Variants in PTN observed in about 807,000 individuals in gnomAD.
The protein encoded by PTN is heparin affin regulatory protein.
In PTN, 18 loss-of-function variants were observed where a neutral mutation model predicts 24.1. The ratio of observed to expected loss-of-function variants is 0.75; its 90% confidence interval spans 0.52 to 1.11. The LOEUF is 1.11. Among genes scored for constraint, PTN ranks in the 50% least tolerant of loss-of-function variants. The pLI is 0.00. For missense variants in PTN, 163 were observed against 198.8 expected, an observed-to-expected ratio of 0.82 and a Z score of 1.08; for synonymous variants, 78 against 68.6, an observed-to-expected ratio of 1.14 and a Z score of -0.67.
At chr7:137,307,392 G>A (rs1158163288) in intron 1 of PTN, among the ~76,000 whole-genome samples, 1 of 152,042 alleles carries the variant, frequency 6.6e-6, no homozygotes, top group African/African-American at 2.4e-5. Context: ...ATATATGTTT[G>A]CTATAATAGA....
At chr7:137,331,828 CT>C (rs1274531837) in intron 1 of PTN, among the ~76,000 whole-genome samples, 1 of 152,134 alleles carries the variant, frequency 6.6e-6, no homozygotes, top group Non-Finnish European at 1.5e-5. Context: ...AAAGAAAGAC[CT>C]TGTGTACTCA....
intron 1 of PTN, among the ~76,000 whole-genome samples, chr7:137,315,006 T>C (rs1395040830): frequency 6.6e-6 from 1 of 152,196 alleles, no homozygotes; most frequent in Non-Finnish European, 1.5e-5. Flanking sequence ...AAGTAATTGA[T>C]GTGGTGTATT....
Position 137,241,719 on chromosome 7 carries a change from A to G in PTN, c.451+9511T>C, listed in dbSNP as rs536798401. 2.6e-5 allele frequency among the ~76,000 whole-genome samples: 4 copies of G among 152,280 alleles called. 1 individual carries two copies. Among genetic ancestry groups the G allele is most frequent in the African/African-American group, 9.6e-5 (4 of 41,560 alleles). On this transcript the variant is annotated intron_variant, in intron 4 of 4. Transcript: ENST00000348225. ...GTATCATGGATGGAAAATAAAACAT[A>G]GGTGTTGAAAGATGTTTTCACAAGC...
At chr7:137,230,267 G>T (rs545125836) in intron 4 of PTN, among the ~76,000 whole-genome samples, 5 of 151,922 alleles carry the variant, frequency 3.3e-5, no homozygotes, top group Non-Finnish European at 7.4e-5. Context: ...AATTCTTCTT[G>T]GTAAAGGCAA....
Position 137,330,933 on chromosome 7 carries a change from C to T in PTN, c.-2+12506G>A, listed in dbSNP as rs536571254. ...TGGGCCATAAGGACCCTATGGCATGCTCAATACTTCCTTTTTAGTGGCAGA... is the reference window on the plus strand; with the variant it reads ...TGGGCCATAAGGACCCTATGGCATGTTCAATACTTCCTTTTTAGTGGCAGA... On this transcript the variant is annotated intron_variant, in intron 1 of 4. Coordinates refer to ENST00000348225, the MANE Select transcript of PTN (RefSeq NM_002825.7). 3.3e-5 allele frequency among the ~76,000 whole-genome samples: 5 copies of T among 152,250 alleles called. No homozygotes were observed. In the South Asian group the frequency reaches 1.0e-3, roughly 32 times the overall value.
At chr7:137,282,586 T>C (rs1445223780) in intron 1 of PTN, among the ~76,000 whole-genome samples, 1 of 151,546 alleles carries the variant, frequency 6.6e-6, no homozygotes, top group Non-Finnish European at 1.5e-5. Flanking sequence ...ATATTTGAGA[T>C]ATAAAGAAAA....
At chr7:137,257,758 T>C (rs1808960003) in intron 1 of PTN, among the ~76,000 whole-genome samples, 1 of 152,214 alleles carries the variant, frequency 6.6e-6, no homozygotes, top group Non-Finnish European at 1.5e-5. Flanking sequence ...CAGAAGTATT[T>C]AGGTTGTTGA....
At position 137,275,392 on chromosome 7, in the gene PTN, G is replaced by A. The variant is rs573630626; in HGVS notation, c.-1-20418C>T. ...TATCATTAGTATCAGCAACTATTTC[G>A]TAGACCACCTACTATATGAAAGATA... On this transcript the variant is annotated intron_variant, in intron 1 of 4. Coordinates refer to ENST00000348225, the MANE Select transcript of PTN (RefSeq NM_002825.7). 1.8e-4 allele frequency among the ~76,000 whole-genome samples: 27 copies of A among 152,188 alleles called. No individual in the cohort carries two copies. In the South Asian group the frequency reaches 2.7e-3, roughly 15 times the overall value.
intron 1 of PTN, among the ~76,000 whole-genome samples, chr7:137,260,021 A>T (rs779212365): frequency 7.2e-5 from 11 of 152,112 alleles, no homozygotes; most frequent in Non-Finnish European, 1.3e-4. Context: ...ACTACTCATT[A>T]CACTTTTTGC....
intron 1 of PTN, among the ~76,000 whole-genome samples, chr7:137,270,830 T>C (rs1247416032): frequency 6.6e-6 from 1 of 152,046 alleles, no homozygotes; most frequent in Non-Finnish European, 1.5e-5. Flanking sequence ...TCATAAAGAG[T>C]GACCCAAGGA....
At chr7:137,256,333 C>G (rs1321433577) in intron 1 of PTN, among the ~76,000 whole-genome samples, 2 of 152,152 alleles carry the variant, frequency 1.3e-5, no homozygotes, top group African/African-American at 4.8e-5. Flanking sequence ...CACCCCTCAA[C>G]AGGTCCTGGT....
chr7:137,260,131 T>C (rs144047971), intron 1 of PTN, among the ~76,000 whole-genome samples: 1,647 of 152,238 alleles, frequency 0.011, 14 homozygotes, highest in Non-Finnish European at 0.017. Context: ...GATGTGTAAT[T>C]TACCAAAGAA....
intron 1 of PTN, among the ~76,000 whole-genome samples, chr7:137,323,907 G>C (rs1810206595): frequency 6.6e-6 from 1 of 152,106 alleles, no homozygotes; most frequent in Admixed American, 6.6e-5. Context: ...TGGGGAGAGA[G>C]AAGAGAATCC....
At chr7:137,244,905 CTGGTG>C (rs1808697203) in intron 4 of PTN, among the ~76,000 whole-genome samples, 1 of 152,072 alleles carries the variant, frequency 6.6e-6, no homozygotes, top group African/African-American at 2.4e-5. Context: ...TAGTAATTCC[CTGGTG>C]TTTGGATAGC....
At chr7:137,287,404 T>C (rs1809574145) in intron 1 of PTN, among the ~76,000 whole-genome samples, 1 of 152,176 alleles carries the variant, frequency 6.6e-6, no homozygotes, top group South Asian at 2.1e-4. Flanking sequence ...TGGAGTTCCT[T>C]TCTGCTTAGG....
chr7:137,337,076 G>A (rs754115352), intron 1 of PTN, among the ~76,000 whole-genome samples: 16 of 152,252 alleles, frequency 1.1e-4, no homozygotes, highest in Middle Eastern at 3.4e-3. Context: ...ATGCCCTGTC[G>A]TATGTCCAGG....
intron 1 of PTN, among the ~76,000 whole-genome samples, chr7:137,338,795 T>C (rs1032628548): frequency 2.6e-5 from 4 of 152,194 alleles, no homozygotes; most frequent in African/African-American, 9.6e-5. Flanking sequence ...CTCCTCCAAA[T>C]AGAATTGTGC....
At chr7:137,320,957 T>C (rs1810153379) in intron 1 of PTN, among the ~76,000 whole-genome samples, 1 of 152,212 alleles carries the variant, frequency 6.6e-6, no homozygotes, top group Non-Finnish European at 1.5e-5. Flanking sequence ...GGCTTTATTT[T>C]TCACAGACTC....
intron 1 of PTN, among the ~76,000 whole-genome samples, chr7:137,297,934 C>T (rs189978296): frequency 2.0e-5 from 3 of 152,048 alleles, no homozygotes; most frequent in East Asian, 3.9e-4. Context: ...TTCCAGGTGT[C>T]GTTTACCGTC....
Sources: allele counts gnomAD v4.1 joint callset (sites outside exome capture counted in the v4.1 genomes callset), GRCh38; gene constraint gnomAD v4.1.1; transcripts MANE v1.5; gene names NCBI Gene and HGNC (gene_info 2026-07-23, HGNC 2026-07-21).